Variants in RIPOR3 observed in about 807,000 individuals in gnomAD.
RIPOR3 encodes RIPOR family member 3.
Under a neutral mutation model 114.3 loss-of-function variants are expected in RIPOR3, and 95 were observed. The observed-to-expected ratio is 0.83, with a 90% confidence interval of 0.70 to 0.99. The LOEUF (loss-of-function observed/expected upper bound fraction) is 0.99. Among genes scored for constraint, RIPOR3 ranks in the 50% least tolerant of loss-of-function variants. RIPOR3 has a pLI of 0.00. For missense variants in RIPOR3, 1,252 were observed against 1,266.9 expected (o/e 0.99, Z 0.18); for synonymous variants, 575 against 543.8 (o/e 1.06, Z -0.80).
At chr20:50,673,236 A>C (rs1473058920) in intron 1 of RIPOR3, among the ~76,000 whole-genome samples, 1 of 152,160 alleles carries the variant, frequency 6.6e-6, no homozygotes, top group African/African-American at 2.4e-5. Context: ...GAAGACCCCT[A>C]GGTGCCACGC....
Position 50,597,697 on chromosome 20 carries a change from C to A in RIPOR3, c.1673G>T (p.Arg558Leu), listed in dbSNP as rs780100002. 6.2e-7 allele frequency: 1 copy of A among 1,612,260 alleles called. No homozygotes were observed. The highest frequency in any genetic ancestry group is 8.5e-7 in the Non-Finnish European group (1 of 1,179,228). ...GCTCTCGGCCGAGGTGTGCTCCTGC[C>A]GTGCTCTGCAGGGCTGTGGACGAAG... ...FRDRLKPCRARQEHTSAESLM... is the reference protein window; with the variant it reads ...FRDRLKPCRALQEHTSAESLM... The change falls in exon 14 of 22, where the codon CGG becomes CTG. Residue 558 changes from arginine (R) to leucine (L), a missense_variant. Physicochemically the swap from Arg to Leu is moderately radical, Grantham distance 102. Coordinates refer to ENST00000327979, the MANE Select transcript of RIPOR3 (RefSeq NM_001290268.2).
intron 2 of RIPOR3, among the ~76,000 whole-genome samples, chr20:50,626,413 G>A (rs1215842010): frequency 1.3e-5 from 2 of 152,216 alleles, no homozygotes; most frequent in African/African-American, 4.8e-5. Flanking sequence ...CCTAGACTAG[G>A]ACTTGGACAC....
intron 16 of RIPOR3, chr20:50,595,153 T>G: frequency 1.6e-6 from 1 of 607,276 alleles, no homozygotes. Flanking sequence ...TTGCCTAGAG[T>G]CACACAGCTG....
chr20:50,620,789 C>T, intron 2 of RIPOR3: 1 of 1,019,372 alleles, frequency 9.8e-7, no homozygotes, highest in East Asian at 2.6e-5. Flanking sequence ...GGCCATGGGC[C>T]TCAACAAGGG....
intron 11 of RIPOR3, among the ~76,000 whole-genome samples, chr20:50,607,562 GCACCCTGGGTCCTAGGCTTGGATGGCA>G (rs754537151): frequency 2.6e-4 from 40 of 152,156 alleles, no homozygotes; most frequent in Admixed American, 1.6e-3. Context: ...AGACCCGCAG[GCACCCTGGGTCCTAGGCTTGGATGGCA>G]CTGAGCTGCC....
Position 50,687,065 on chromosome 20 carries a change from A to G in RIPOR3, c.3+4061T>C, listed in dbSNP as rs187252262. 1.1e-3 allele frequency among the ~76,000 whole-genome samples: 175 copies of G among 152,364 alleles called. 2 individuals carry two copies. The highest frequency in any genetic ancestry group is 1.6e-4 in the Non-Finnish European group (11 of 68,040). ...TTCCTCTGACTTGTTCCAAGATGCC[A>G]TTTCTGTTAGGGCATCATTCGCTGT... On this transcript the variant is annotated intron_variant, in intron 1 of 21. Transcript: ENST00000327979.
At chr20:50,635,841 G>A (rs2084966171) in intron 1 of RIPOR3, among the ~76,000 whole-genome samples, 1 of 152,244 alleles carries the variant, frequency 6.6e-6, no homozygotes, top group Non-Finnish European at 1.5e-5. Context: ...TGCTCCCGCA[G>A]CTCTGCTGAG....
rs775083759 is a variant in RIPOR3, at chr20:50,608,651, C to T, written c.772G>A (p.Ala258Thr). ...TTCTCATGCAGCGTGGGGATGAAGGCCTTCTCCTCTTCGTCCCAGGTCTGG... is the reference window on the plus strand; with the variant it reads ...TTCTCATGCAGCGTGGGGATGAAGGTCTTCTCCTCTTCGTCCCAGGTCTGG... ...DSQTWDEEEKAFIPTLHENLD... is the reference protein window; with the variant it reads ...DSQTWDEEEKTFIPTLHENLD... The change falls in exon 10 of 22, where the codon GCC becomes ACC. Residue 258 changes from alanine (A) to threonine (T), a missense_variant. Coordinates refer to ENST00000327979, the MANE Select transcript of RIPOR3 (RefSeq NM_001290268.2). 4.3e-6 allele frequency: 7 copies of T among 1,613,938 alleles called. No homozygotes were observed. The highest frequency in any genetic ancestry group is 1.3e-5 in the African/African-American group (1 of 74,930).
chr20:50,616,736 G>T lies in RIPOR3; in HGVS notation c.270-656C>A, dbSNP rs554660244. Among the ~76,000 whole-genome samples, 5 of 152,268 alleles carry T rather than the reference G, an allele frequency of 3.3e-5. No individual in the cohort carries two copies. In the South Asian group the frequency reaches 1.0e-3, roughly 32 times the overall value. On this transcript the variant is annotated intron_variant, in intron 3 of 21. Coordinates refer to ENST00000327979, the MANE Select transcript of RIPOR3 (RefSeq NM_001290268.2). ...ACAGCAGAGAAGAGGCTGAACCCACGTCTGAAACCACACAGTGGCCTTCTG... is the reference window on the plus strand; with the variant it reads ...ACAGCAGAGAAGAGGCTGAACCCACTTCTGAAACCACACAGTGGCCTTCTG...
chr20:50,615,151 A>C, intron 4 of RIPOR3, among the ~76,000 whole-genome samples: 1 of 55,944 alleles, frequency 1.8e-5, no homozygotes, highest in Non-Finnish European at 3.3e-5. Flanking sequence ...GTGTGTTGCT[A>C]AGTCGGTCTC....
chr20:50,634,108 C>T (rs2084908680), intron 1 of RIPOR3, among the ~76,000 whole-genome samples: 1 of 151,556 alleles, frequency 6.6e-6, no homozygotes, highest in South Asian at 2.1e-4. Context: ...CAGCCTTTCA[C>T]GTGGCTGGGA....
chr20:50,612,740 C>T (rs1198526852), intron 4 of RIPOR3, among the ~76,000 whole-genome samples: 1 of 152,112 alleles, frequency 6.6e-6, no homozygotes, highest in Non-Finnish European at 1.5e-5. Context: ...AAGGATTCAA[C>T]CCCAAAAAGT....
intron 1 of RIPOR3, among the ~76,000 whole-genome samples, chr20:50,644,837 ATTTTTTAT>A (rs2085344946): frequency 9.4e-6 from 1 of 106,708 alleles, no homozygotes; most frequent in African/African-American, 5.6e-5. Context: ...TTTATTTTTT[ATTTTTTAT>A]TTTTTTTTTT....
At chr20:50,651,478 T>C (rs1355724963) in intron 1 of RIPOR3, among the ~76,000 whole-genome samples, 2 of 152,166 alleles carry the variant, frequency 1.3e-5, no homozygotes, top group Non-Finnish European at 1.5e-5. Context: ...AGAAAACCAA[T>C]ACATACTCTG....
At chr20:50,594,754 G>A in intron 16 of RIPOR3, 40 bp from the exon 17 acceptor site, 2 of 1,584,552 alleles carry the variant, frequency 1.3e-6, no homozygotes, top group Non-Finnish European at 8.6e-7. Flanking sequence ...GTGACTCGGG[G>A]AGAGCACATG....
intron 6 of RIPOR3, 96 bp from the exon 7 acceptor site, chr20:50,609,818 A>AGCGG: frequency 7.6e-7 from 1 of 1,317,794 alleles, no homozygotes; most frequent in Admixed American, 3.7e-5. Context: ...GCCCTCCCTG[A>AGCGG]GCTAAGCACC....
At chr20:50,608,303 G>A (rs79846040) in intron 11 of RIPOR3, 86 bp downstream of exon 11, 2 of 1,579,310 alleles carry the variant, frequency 1.3e-6, no homozygotes, top group Non-Finnish European at 1.7e-6. Flanking sequence ...GCAGAGGCTG[G>A]TGCAGGAACC....
chr20:50,602,211 C>G lies in RIPOR3; in HGVS notation c.1520G>C (p.Gly507Ala). 2 of 1,613,832 alleles carry G rather than the reference C, an allele frequency of 1.2e-6. No individual in the cohort carries two copies. The highest frequency in any genetic ancestry group is 1.7e-6 in the Non-Finnish European group (2 of 1,179,964). ...CACGCCAGGCCCGTCCTCTCTGTCC[C>G]CGGTTGCCCCTTCCTCGTGGCCGTT... Reference protein sequence around the residue: ...SQNGHEEGATGDREDGPGVAL... With the variant: ...SQNGHEEGATADREDGPGVAL... The change falls in exon 13 of 22, where the codon GGG becomes GCG. Residue 507 changes from glycine (G) to alanine (A), a missense_variant. Physicochemically the swap from Gly to Ala is moderately conservative, Grantham distance 60. Coordinates refer to ENST00000327979, the MANE Select transcript of RIPOR3 (RefSeq NM_001290268.2). This position sits in a 1 kb window ranked among gnomAD's most constrained non-coding sequence, Gnocchi z 4.3.
chr20:50,593,066 C>G lies in RIPOR3; in HGVS notation c.2343G>C (p.Leu781=), dbSNP rs754474482. The change falls in exon 18 of 22, where the codon CTG becomes CTC. Residue 781 remains leucine (L), a synonymous_variant. Transcript: ENST00000327979. The part of the protein sequence containing the change: ...SYLQRQSVSD[L]EKHFTQLTKE... Reference sequence around the variant, plus strand: ...TGGTGAGCTGGGTGAAGTGCTTCTCCAGGTCAGAGACGCTCTGCCTCTGCA... The same window carrying G: ...TGGTGAGCTGGGTGAAGTGCTTCTCGAGGTCAGAGACGCTCTGCCTCTGCA... The G allele has an allele frequency of 2.5e-6, 4 of 1,614,128 alleles. No homozygotes were observed. The highest frequency in any genetic ancestry group is 3.4e-6 in the Non-Finnish European group (4 of 1,180,044).
Sources: allele counts gnomAD v4.1 joint callset (sites outside exome capture counted in the v4.1 genomes callset), GRCh38; gene constraint gnomAD v4.1.1; non-coding constraint Gnocchi (gnomAD v3.1); transcripts MANE v1.5; gene names NCBI Gene and HGNC (gene_info 2026-07-23, HGNC 2026-07-21).